Variants in KHDRBS2 observed in about 807,000 individuals in gnomAD.
KHDRBS2 encodes KH RNA binding domain containing, signal transduction associated 2.
In KHDRBS2, 26 loss-of-function variants were observed where a neutral mutation model predicts 44.3. The observed-to-expected ratio is 0.59, with a 90% CI of 0.43 to 0.81. KHDRBS2 has a LOEUF of 0.81. Ranked by LOEUF, KHDRBS2 falls within the 40% of genes least tolerant of loss-of-function variation. The probability of loss-of-function intolerance (pLI) is 0.00; values close to 1 mark genes in which losing one functional copy is unlikely to be tolerated. For synonymous variants in KHDRBS2, 194 were observed against 151.1 expected (o/e 1.28, Z -2.08); for missense variants, 476 against 433.1 (o/e 1.10, Z -0.88).
At chr6:62,070,920 C>T (rs1070145) in intron 2 of KHDRBS2, among the ~76,000 whole-genome samples, 26,161 of 152,036 alleles carry the variant, frequency 0.17, 2,620 homozygotes, top group African/African-American at 0.27. Flanking sequence ...GCCACACTGA[C>T]TTCCACAATG....
At chr6:62,083,937 CAAG>C (rs1206104370) in intron 2 of KHDRBS2, among the ~76,000 whole-genome samples, 3 of 152,114 alleles carry the variant, frequency 2.0e-5, no homozygotes, top group Non-Finnish European at 4.4e-5. Context: ...TGGATACCAT[CAAG>C]AAGGATGTAG....
the KHDRBS2 span, among the ~76,000 whole-genome samples, chr6:61,663,525 A>ATATATATATATATATATATATATATC: frequency 8.2e-6 from 1 of 121,356 alleles, no homozygotes; most frequent in Non-Finnish European, 1.7e-5. Context: ...ATATATATAT[A>ATATATATATATATATATATATATATC]TGCAGCTGGG....
At chr6:62,087,486 A>G (rs976623182) in intron 2 of KHDRBS2, among the ~76,000 whole-genome samples, 26 of 152,136 alleles carry the variant, frequency 1.7e-4, no homozygotes, top group African/African-American at 6.0e-4. Context: ...TTTAAAGGCC[A>G]AAAAGAAATA....
In KHDRBS2 at chr6:61,759,214, G is replaced by C. The variant is rs552728951; in HGVS notation, c.811-26450C>G. On this transcript the variant is annotated intron_variant, in intron 6 of 8. Transcript: ENST00000281156. ...AACTAGACATCTGCTTGTATATACA[G>C]GTTAGCAATATTGGTAACTATGAGA... Among the ~76,000 whole-genome samples the C allele has an allele frequency of 1.8e-4, 27 of 152,172 alleles. No individual in the cohort carries two copies. The South Asian group carries it at 5.6e-3, about 32-fold the overall frequency.
At chr6:62,042,634 G>A (rs1786784032) in intron 3 of KHDRBS2, among the ~76,000 whole-genome samples, 1 of 152,096 alleles carries the variant, frequency 6.6e-6, no homozygotes, top group South Asian at 2.1e-4. Context: ...CCAGATGAGA[G>A]ATGGCTGGTG....
At chr6:62,282,921 A>G (rs1356205288) in intron 1 of KHDRBS2, among the ~76,000 whole-genome samples, 1 of 152,144 alleles carries the variant, frequency 6.6e-6, no homozygotes, top group Non-Finnish European at 1.5e-5. Flanking sequence ...ACCCAGATTC[A>G]GTTGAGGTTA....
intron 1 of KHDRBS2, 42 bp from the exon 2 acceptor site, chr6:62,177,354 C>A: frequency 6.8e-7 from 1 of 1,472,182 alleles, no homozygotes; most frequent in South Asian, 1.2e-5. Context: ...AAATGAGGAA[C>A]AATGTTATCA....
intron 4 of KHDRBS2, among the ~76,000 whole-genome samples, chr6:61,919,047 T>A (rs181468334): frequency 6.6e-6 from 1 of 151,936 alleles, no homozygotes; most frequent in Non-Finnish European, 1.5e-5. Context: ...TTCTGGAGAT[T>A]TGAAGACAAT....
intron 6 of KHDRBS2, among the ~76,000 whole-genome samples, chr6:61,773,469 G>T (rs1342942714): frequency 3.3e-5 from 5 of 151,986 alleles, no homozygotes; most frequent in Non-Finnish European, 5.9e-5. Flanking sequence ...CATATCCTTT[G>T]CCCACTTTTT....
At chr6:61,842,030 T>C (rs1341885890) in intron 6 of KHDRBS2, among the ~76,000 whole-genome samples, 1 of 152,202 alleles carries the variant, frequency 6.6e-6, no homozygotes, top group African/African-American at 2.4e-5. Flanking sequence ...ATGTCTGTCC[T>C]TTATATTCTT....
intron 6 of KHDRBS2, among the ~76,000 whole-genome samples, chr6:61,892,182 T>A (rs1228210947): frequency 6.6e-6 from 1 of 151,966 alleles, no homozygotes; most frequent in African/African-American, 2.4e-5. Context: ...TACCTAGGAA[T>A]CCAACTTACA....
At chr6:61,919,485 A>G (rs1807642781) in intron 4 of KHDRBS2, among the ~76,000 whole-genome samples, 1 of 151,870 alleles carries the variant, frequency 6.6e-6, no homozygotes, top group Non-Finnish European at 1.5e-5. Context: ...GTGATTAGAT[A>G]AAACTGTAAT....
chr6:62,078,277 A>T (rs766751799), intron 2 of KHDRBS2, among the ~76,000 whole-genome samples: 7 of 152,068 alleles, frequency 4.6e-5, no homozygotes, highest in Non-Finnish European at 8.8e-5. Context: ...ATAATATACA[A>T]GTAATAGATG....
intron 4 of KHDRBS2, among the ~76,000 whole-genome samples, chr6:61,951,128 A>T (rs1232157990): frequency 6.6e-6 from 1 of 152,032 alleles, no homozygotes; most frequent in African/African-American, 2.4e-5. Flanking sequence ...TATTTCAAAA[A>T]TGGGTAAGAA....
intron 1 of KHDRBS2, among the ~76,000 whole-genome samples, chr6:62,265,429 T>TG (rs777677530): frequency 2.0e-5 from 3 of 151,970 alleles, no homozygotes; most frequent in Non-Finnish European, 2.9e-5. Context: ...TCTGTGTATG[T>TG]GTATGTGTAT....
chr6:61,728,259 G>C (rs1483604861), intron 7 of KHDRBS2, among the ~76,000 whole-genome samples: 1 of 151,884 alleles, frequency 6.6e-6, no homozygotes, highest in East Asian at 1.9e-4. Flanking sequence ...GGACACACAG[G>C]GGGAGCAAGA....
chr6:61,589,600 C>T, the KHDRBS2 span, among the ~76,000 whole-genome samples: 17 of 152,118 alleles, frequency 1.1e-4, no homozygotes, highest in Non-Finnish European at 1.6e-4. Context: ...CAGAATACCC[C>T]TTCTTACTAT....
chr6:62,241,795 C>A (rs151101558), intron 1 of KHDRBS2, among the ~76,000 whole-genome samples: 2 of 148,692 alleles, frequency 1.3e-5, no homozygotes, highest in Admixed American at 1.3e-4. Context: ...ATCCAGGATT[C>A]AAGATTTGTG....
chr6:61,590,213 A>G, the KHDRBS2 span, among the ~76,000 whole-genome samples: 1 of 152,188 alleles, frequency 6.6e-6, no homozygotes, highest in Non-Finnish European at 1.5e-5. Flanking sequence ...ATGAAAAAAG[A>G]TGGGGACTAT....
Sources: allele counts gnomAD v4.1 joint callset (sites outside exome capture counted in the v4.1 genomes callset), GRCh38; gene constraint gnomAD v4.1.1; transcripts MANE v1.5; gene names NCBI Gene and HGNC (gene_info 2026-07-23, HGNC 2026-07-21).